The following NPAS3 variants were observed in gnomAD, a reference collection of about 807,000 sequenced individuals.
The protein encoded by NPAS3 is neuronal PAS domain protein 3.
A neutral mutation model predicts 73.1 loss-of-function variants in NPAS3; 14 were observed. The ratio of observed to expected loss-of-function variants is 0.19; its 90% CI spans 0.13 to 0.30. NPAS3 has a LOEUF of 0.30. Ranked by LOEUF, NPAS3 falls within the 10% of genes least tolerant of loss-of-function variation. The pLI, the probability that NPAS3 is intolerant of heterozygous loss-of-function variation, is 1.00. For missense variants in NPAS3, 1,096 were observed against 1,250.0 expected (o/e 0.88, Z 1.86); for synonymous variants, 620 against 541.5 (o/e 1.14, Z -2.01).
intron 4 of NPAS3, among the ~76,000 whole-genome samples, chr14:33,377,319 A>G (rs939072155): frequency 6.6e-6 from 1 of 152,120 alleles, no homozygotes; most frequent in Admixed American, 6.6e-5. Context: ...ACATGCCATT[A>G]CTCTCCTTAT....
intron 4 of NPAS3, among the ~76,000 whole-genome samples, chr14:33,501,612 C>T (rs771613132): frequency 1.3e-4 from 19 of 150,798 alleles, no homozygotes; most frequent in South Asian, 2.1e-4. Flanking sequence ...ATTAGTCTCC[C>T]TTCTAGAATC....
chr14:33,008,136 T>G (rs2139621667), intron 1 of NPAS3, among the ~76,000 whole-genome samples: 1 of 152,286 alleles, frequency 6.6e-6, no homozygotes, highest in South Asian at 2.1e-4. Context: ...CAGCAGAGAT[T>G]ATTACTGCAA....
chr14:33,722,294 C>T (rs556866125), intron 6 of NPAS3, among the ~76,000 whole-genome samples: 6 of 152,176 alleles, frequency 3.9e-5, no homozygotes, highest in South Asian at 2.1e-4. Context: ...TTTGAGAAAA[C>T]GCTGCTTCAA....
At chr14:33,606,895 A>C (rs959190499) in intron 5 of NPAS3, among the ~76,000 whole-genome samples, 6 of 152,224 alleles carry the variant, frequency 3.9e-5, no homozygotes, top group African/African-American at 1.4e-4. Context: ...AGTAATAAAA[A>C]AAAATTTAAT....
intron 6 of NPAS3, among the ~76,000 whole-genome samples, chr14:33,714,336 T>C (rs1181475036): frequency 6.6e-6 from 1 of 152,008 alleles, no homozygotes; most frequent in African/African-American, 2.4e-5. Flanking sequence ...CCCGTCACTC[T>C]CCTACTGTAA....
At chr14:33,068,677 G>A (rs998075588) in intron 2 of NPAS3, among the ~76,000 whole-genome samples, 8 of 152,150 alleles carry the variant, frequency 5.3e-5, no homozygotes, top group African/African-American at 1.9e-4. Context: ...TAGGAGTCCT[G>A]GGGTAGAAGT....
intron 3 of NPAS3, among the ~76,000 whole-genome samples, chr14:33,304,840 T>A (rs1000853338): frequency 6.6e-6 from 1 of 152,190 alleles, no homozygotes; most frequent in Non-Finnish European, 1.5e-5. Context: ...CAAGGGTTGG[T>A]GAAATTATTA....
intron 2 of NPAS3, among the ~76,000 whole-genome samples, chr14:33,057,510 G>A (rs2040933403): frequency 6.6e-6 from 1 of 152,172 alleles, no homozygotes; most frequent in Non-Finnish European, 1.5e-5. Context: ...ACAATCAACT[G>A]TTGTTTATTT....
At chr14:33,767,671 A>C (rs1379840751) in intron 7 of NPAS3, among the ~76,000 whole-genome samples, 1 of 147,810 alleles carries the variant, frequency 6.8e-6, no homozygotes, top group Non-Finnish European at 1.5e-5. Flanking sequence ...TATACTTTAC[A>C]TTATATGTGG....
intron 4 of NPAS3, among the ~76,000 whole-genome samples, chr14:33,397,513 C>G (rs1384420126): frequency 1.3e-5 from 2 of 152,002 alleles, no homozygotes; most frequent in African/African-American, 4.8e-5. Context: ...TTCTTGGTGG[C>G]TCTATTACAC....
chr14:33,276,516 C>T (rs2041342238), intron 3 of NPAS3, among the ~76,000 whole-genome samples: 1 of 152,016 alleles, frequency 6.6e-6, no homozygotes, highest in South Asian at 2.1e-4. Context: ...TTTTAAAAAA[C>T]TCATGAATTT....
chr14:33,470,944 A>G (rs1360999201), intron 4 of NPAS3, among the ~76,000 whole-genome samples: 1 of 151,852 alleles, frequency 6.6e-6, no homozygotes. Context: ...AAAAAAAAAA[A>G]AAAAGAATGT....
chr14:33,673,733 G>A (rs1169835003), intron 5 of NPAS3, among the ~76,000 whole-genome samples: 1 of 152,216 alleles, frequency 6.6e-6, no homozygotes, highest in Non-Finnish European at 1.5e-5. Context: ...CATCCATGTG[G>A]AATACAATGT....
At chr14:33,370,457 A>G (rs1262670226) in intron 4 of NPAS3, among the ~76,000 whole-genome samples, 2 of 152,164 alleles carry the variant, frequency 1.3e-5, no homozygotes, top group Admixed American at 6.6e-5. Context: ...GCTGCTTCAC[A>G]TATGCAGTGG....
At chr14:33,684,279 T>C (rs956230451) in intron 6 of NPAS3, among the ~76,000 whole-genome samples, 1 of 151,848 alleles carries the variant, frequency 6.6e-6, no homozygotes, top group African/African-American at 2.4e-5. Context: ...ATCTAATCTA[T>C]CTAATCCTTT....
intron 4 of NPAS3, among the ~76,000 whole-genome samples, chr14:33,466,273 G>C (rs2050522314): frequency 6.6e-6 from 1 of 152,146 alleles, no homozygotes; most frequent in Admixed American, 6.5e-5. Flanking sequence ...TTCTGCTGGA[G>C]ACCCCTGTCT....
At chr14:33,674,788 T>C (rs545632319) in intron 5 of NPAS3, among the ~76,000 whole-genome samples, 1 of 152,280 alleles carries the variant, frequency 6.6e-6, no homozygotes, top group Admixed American at 6.5e-5. Flanking sequence ...AGCCTCCTGT[T>C]TTTCTGACTA....
intron 10 of NPAS3, among the ~76,000 whole-genome samples, chr14:33,794,878 T>C (rs1395685957): frequency 6.6e-6 from 1 of 152,192 alleles, no homozygotes; most frequent in Non-Finnish European, 1.5e-5. Flanking sequence ...GCACTTGGCC[T>C]GGCTCCCTCC....
chr14:33,088,624 G>A (rs2042115529), intron 2 of NPAS3, among the ~76,000 whole-genome samples: 1 of 152,230 alleles, frequency 6.6e-6, no homozygotes, highest in South Asian at 2.1e-4. Flanking sequence ...ACAAAAGGCA[G>A]CAGAAACCTC....
Sources: allele counts gnomAD v4.1 joint callset (sites outside exome capture counted in the v4.1 genomes callset), GRCh38; gene constraint gnomAD v4.1.1; transcripts MANE v1.5; gene names NCBI Gene and HGNC (gene_info 2026-07-23, HGNC 2026-07-21).